Variants in FBXW7 observed in about 807,000 individuals in gnomAD.
FBXW7 encodes F-box and WD repeat domain containing 7.
In FBXW7, 11 loss-of-function variants were observed where a neutral mutation model predicts 86.3. The ratio of observed to expected loss-of-function variants is 0.13; its 90% CI spans 0.08 to 0.21. FBXW7 has a LOEUF of 0.21. Among genes scored for constraint, FBXW7 ranks in the 10% least tolerant of loss-of-function variants. The probability of loss-of-function intolerance (pLI) is 1.00; values close to 1 mark genes in which losing one functional copy is unlikely to be tolerated. For missense variants in FBXW7, 488 were observed against 847.4 expected (o/e 0.58, Z 5.27); for synonymous variants, 313 against 297.9 (o/e 1.05, Z -0.52).
intron 4 of FBXW7, among the ~76,000 whole-genome samples, chr4:152,379,760 T>G (rs1337440698): frequency 6.6e-6 from 1 of 152,184 alleles, no homozygotes; most frequent in East Asian, 1.9e-4. Flanking sequence ...TTAAATCCAA[T>G]GCTTATAAAT....
intron 4 of FBXW7, among the ~76,000 whole-genome samples, chr4:152,362,600 C>T (rs1021359344): frequency 1.3e-5 from 2 of 151,860 alleles, no homozygotes; most frequent in Admixed American, 6.6e-5. Flanking sequence ...CATAAGGTCA[C>T]GAGTTCAAGA....
At chr4:152,337,974 G>T (rs1241223218) in intron 6 of FBXW7, 38 bp from the exon 7 acceptor site, 4 of 1,575,928 alleles carry the variant, frequency 2.5e-6, no homozygotes, top group Non-Finnish European at 3.4e-6. Flanking sequence ...TGTTTTAACA[G>T]ATGTCCCAAA....
chr4:152,461,782 T>C (rs1469181659), intron 2 of FBXW7, among the ~76,000 whole-genome samples: 2 of 152,202 alleles, frequency 1.3e-5, no homozygotes, highest in Non-Finnish European at 2.9e-5. Flanking sequence ...TTGGTTTTCA[T>C]GTTGTATGAT....
At chr4:152,490,850 C>A (rs906802982) in intron 2 of FBXW7, among the ~76,000 whole-genome samples, 2 of 152,010 alleles carry the variant, frequency 1.3e-5, no homozygotes, top group African/African-American at 4.8e-5. Context: ...TAAGATATAT[C>A]AAAATTTAAA....
chr4:152,458,517 T>C (rs924995600), intron 2 of FBXW7, among the ~76,000 whole-genome samples: 2 of 152,206 alleles, frequency 1.3e-5, no homozygotes, highest in Non-Finnish European at 2.9e-5. Flanking sequence ...CATCCAGCAT[T>C]ATTAAGAAGC....
intron 4 of FBXW7, among the ~76,000 whole-genome samples, chr4:152,375,612 T>C (rs1035723057): frequency 5.3e-5 from 8 of 152,100 alleles, no homozygotes; most frequent in Non-Finnish European, 8.8e-5. Context: ...ACATATATCG[T>C]TATTTTCTCA....
At chr4:152,385,622 T>C (rs1009758124) in intron 4 of FBXW7, among the ~76,000 whole-genome samples, 1 of 152,098 alleles carries the variant, frequency 6.6e-6, no homozygotes, top group Non-Finnish European at 1.5e-5. Flanking sequence ...TGAAATAATT[T>C]ACAATGACAA....
chr4:152,344,275 CAAT>C (rs761932224), intron 6 of FBXW7, among the ~76,000 whole-genome samples: 1 of 152,112 alleles, frequency 6.6e-6, no homozygotes, highest in East Asian at 1.9e-4. Context: ...CAGTGTACAA[CAAT>C]GAGGCCTTGG....
intron 2 of FBXW7, among the ~76,000 whole-genome samples, chr4:152,530,066 A>T (rs1749876512): frequency 7.7e-6 from 1 of 129,784 alleles, no homozygotes; most frequent in Admixed American, 8.7e-5. Flanking sequence ...AAAAAAAAAA[A>T]AAATACACAC....
intron 2 of FBXW7, among the ~76,000 whole-genome samples, chr4:152,469,734 C>A (rs910244963): frequency 5.9e-5 from 9 of 151,964 alleles, no homozygotes; most frequent in African/African-American, 1.2e-4. Context: ...AGGCTGTACA[C>A]TGAAAGAATC....
intron 2 of FBXW7, among the ~76,000 whole-genome samples, chr4:152,446,640 C>CT (rs1741430444): frequency 6.6e-6 from 1 of 152,214 alleles, no homozygotes; most frequent in South Asian, 2.1e-4. Flanking sequence ...GAACTTCACG[C>CT]TGCCCATTTA....
chr4:152,513,468 C>T (rs532062899), intron 2 of FBXW7, among the ~76,000 whole-genome samples: 7 of 152,064 alleles, frequency 4.6e-5, no homozygotes, highest in Non-Finnish European at 1.0e-4. Flanking sequence ...AAAAAGAATA[C>T]ATAAATTTAA....
intron 2 of FBXW7, among the ~76,000 whole-genome samples, chr4:152,501,382 A>T (rs773881165): frequency 6.6e-6 from 1 of 152,208 alleles, no homozygotes; most frequent in Non-Finnish European, 1.5e-5. Context: ...TGAGATCAAG[A>T]CAGAATGAAA....
At chr4:152,328,059 G>T in intron 11 of FBXW7, 149 bp downstream of exon 11, 1 of 650,390 alleles carries the variant, frequency 1.5e-6, no homozygotes, top group Non-Finnish European at 2.5e-6. Context: ...AAAACGCTAT[G>T]GCTTTCCTAG....
At chr4:152,486,708 TTAA>T (rs147540154) in intron 2 of FBXW7, among the ~76,000 whole-genome samples, 8,544 of 152,230 alleles carry the variant, frequency 0.056, 330 homozygotes, top group Non-Finnish European at 0.084. Flanking sequence ...ACTTTTTTTT[TTAA>T]TAAGTAGAAG....
intron 2 of FBXW7, among the ~76,000 whole-genome samples, chr4:152,474,854 C>T (rs371655162): frequency 5.3e-5 from 8 of 152,016 alleles, no homozygotes; most frequent in Admixed American, 2.0e-4. Flanking sequence ...TCAGTAGAGA[C>T]GGGGTTTCAC....
At chr4:152,429,204 C>T (rs1739661881) in intron 2 of FBXW7, among the ~76,000 whole-genome samples, 1 of 152,006 alleles carries the variant, frequency 6.6e-6, no homozygotes, top group African/African-American at 2.4e-5. Context: ...AAAAAGAGAA[C>T]ACTTTAGAAA....
chr4:152,369,200 C>T (rs1440039426), intron 4 of FBXW7, among the ~76,000 whole-genome samples: 1 of 152,082 alleles, frequency 6.6e-6, no homozygotes, highest in African/African-American at 2.4e-5. Flanking sequence ...ATAATAGTTA[C>T]AGAACTCTTG....
chr4:152,425,662 A>C (rs928106780), intron 2 of FBXW7, among the ~76,000 whole-genome samples: 9 of 152,174 alleles, frequency 5.9e-5, no homozygotes, highest in African/African-American at 2.2e-4. Context: ...AAAAAAAAGA[A>C]ATCCATATGG....
Sources: gnomAD v4.1 joint callset for allele counts (sites outside exome capture counted in the v4.1 genomes callset) on GRCh38, gnomAD v4.1.1 for gene constraint, MANE v1.5 for transcripts, NCBI Gene and HGNC (gene_info 2026-07-23, HGNC 2026-07-21) for gene names.